The following HAPLN1 variants were observed in gnomAD, a reference collection of about 807,000 sequenced individuals.
The protein encoded by HAPLN1 is Cartilage link protein.
A neutral mutation model predicts 36.5 loss-of-function variants in HAPLN1; 13 were observed. The ratio of observed to expected loss-of-function variants is 0.36; its 90% CI spans 0.23 to 0.57. HAPLN1 has a LOEUF of 0.57. Among genes scored for constraint, HAPLN1 ranks in the 20% least tolerant of loss-of-function variants. HAPLN1 has a pLI of 0.83. For missense variants in HAPLN1, 407 were observed against 439.7 expected, an observed-to-expected ratio of 0.93 and a Z score of 0.66; for synonymous variants, 202 against 169.8, an observed-to-expected ratio of 1.19 and a Z score of -1.48.
chr5:83,652,614 GT>G lies in HAPLN1; in HGVS notation c.310del (p.Thr104ProfsTer11). 2 of 1,613,974 alleles carry G rather than the reference GT, an allele frequency of 1.2e-6. No homozygotes were observed. Among genetic ancestry groups the G allele is most frequent in the Non-Finnish European group, 1.7e-6 (2 of 1,179,966 alleles). ...VFVSMGYHKK[T>X]YGGYQGRVFL... ...CACTCTACCCTGGTAGCCTCCATAG[GT>G]TTTTTTGTGGTATCCCATGGAAACA... On this transcript the variant is annotated frameshift_variant, in exon 3 of 5. Transcript: ENST00000274341. LOFTEE classifies it high-confidence loss of function.
At chr5:83,685,905 A>G (rs1751108431) in intron 1 of HAPLN1, 1 of 152,022 alleles carries the variant, frequency 6.6e-6, no homozygotes, top group Non-Finnish European at 1.5e-5. Flanking sequence ...AGAATAACGT[A>G]CTCTGATAGA....
chr5:83,695,690 A>G (rs1751378224), intron 1 of HAPLN1, among the ~76,000 whole-genome samples: 1 of 149,026 alleles, frequency 6.7e-6, no homozygotes, highest in Non-Finnish European at 1.5e-5. Context: ...AAACATCTCA[A>G]TAGATACAGG....
chr5:83,673,593 C>G (rs1750786992), intron 1 of HAPLN1, 44 bp from the exon 2 acceptor site: 2 of 1,141,460 alleles, frequency 1.8e-6, no homozygotes, highest in Non-Finnish European at 2.6e-6. Flanking sequence ...GATTTGGAAC[C>G]CTTTGGAGTG....
At chr5:83,672,565 C>T (rs1750758217) in intron 2 of HAPLN1, among the ~76,000 whole-genome samples, 1 of 152,208 alleles carries the variant, frequency 6.6e-6, no homozygotes, top group Non-Finnish European at 1.5e-5. Context: ...TTGACCTTCA[C>T]AAGTCATACT....
rs1277643527 is a variant in HAPLN1, at chr5:83,673,442, T to C, written c.82A>G (p.Arg28Gly). The C allele has an allele frequency of 6.2e-7, 1 of 1,608,862 alleles. No homozygotes were observed. Among genetic ancestry groups the C allele is most frequent in the Non-Finnish European group, 8.5e-7 (1 of 1,177,726 alleles). The change falls in exon 2 of 5, where the codon AGA becomes GGA. Residue 28 changes from arginine to glycine, a missense_variant. Physicochemically the swap from Arg to Gly is moderately radical, Grantham distance 125 (BLOSUM62 -2). Coordinates refer to ENST00000274341, the MANE Select transcript of HAPLN1 (RefSeq NM_001884.4). ...TCCTTACCTTGGATGTGAATAGCTC[T>C]GTCATGATCCAGAGTATAGTTGTCT... ...LSDNYTLDHDRAIHIQAENGP... is the reference protein window; with the variant it reads ...LSDNYTLDHDGAIHIQAENGP...
At chr5:83,668,249 C>T (rs1231767233) in intron 2 of HAPLN1, among the ~76,000 whole-genome samples, 1 of 151,964 alleles carries the variant, frequency 6.6e-6, no homozygotes. Context: ...ACAGCCAGTG[C>T]TACAGAGAGA....
intron 1 of HAPLN1, among the ~76,000 whole-genome samples, chr5:83,675,642 C>T (rs1251035351): frequency 6.6e-6 from 1 of 152,134 alleles, no homozygotes; most frequent in Non-Finnish European, 1.5e-5. Flanking sequence ...AGGGTTCATT[C>T]CAATGTGTTA....
chr5:83,677,604 G>A (rs1161327018), intron 1 of HAPLN1, among the ~76,000 whole-genome samples: 6 of 144,524 alleles, frequency 4.2e-5, no homozygotes, highest in Non-Finnish European at 5.9e-5. Flanking sequence ...CTGACAAACT[G>A]AGAAAAATCA....
rs150120434 is a variant in HAPLN1, at chr5:83,673,515, A to G, written c.9T>C (p.Ser3=). ...TTGAAATCAGCACCAGAAGAAGTAGACTCTTCATCTTTATAGCCCAAAGAA... is the reference window on the plus strand; with the variant it reads ...TTGAAATCAGCACCAGAAGAAGTAGGCTCTTCATCTTTATAGCCCAAAGAA... The part of the protein sequence containing the change: MK[S]LLLLVLISIC... Residue 3 remains serine (S), a synonymous_variant, in exon 2 of 5, where the codon AGT becomes AGC. Coordinates refer to ENST00000274341, the MANE Select transcript of HAPLN1 (RefSeq NM_001884.4). 579 of 1,610,792 alleles carry G rather than the reference A, an allele frequency of 3.6e-4. 8 individuals are homozygous for G. The African/African-American group carries it at 6.4e-3, about 18-fold the overall frequency.
At chr5:83,645,509 T>C (rs909895977) in intron 3 of HAPLN1, among the ~76,000 whole-genome samples, 2 of 121,294 alleles carry the variant, frequency 1.6e-5, no homozygotes, top group African/African-American at 6.4e-5. Context: ...CAGCTATCAT[T>C]AGTGTTAGTA....
At chr5:83,669,985 A>G (rs1277989003) in intron 2 of HAPLN1, among the ~76,000 whole-genome samples, 1 of 152,228 alleles carries the variant, frequency 6.6e-6, no homozygotes, top group Admixed American at 6.5e-5. Context: ...CACCAAATGC[A>G]GGAAGCACTG....
intron 2 of HAPLN1, among the ~76,000 whole-genome samples, chr5:83,654,675 A>C (rs1750165199): frequency 6.6e-6 from 1 of 152,224 alleles, no homozygotes; most frequent in African/African-American, 2.4e-5. Flanking sequence ...TATGACACAT[A>C]GCTAAAATAG....
intron 2 of HAPLN1, among the ~76,000 whole-genome samples, chr5:83,660,217 G>T (rs1056372547): frequency 1.4e-4 from 21 of 152,138 alleles, no homozygotes; most frequent in African/African-American, 4.8e-4. Flanking sequence ...GAGCTAAATG[G>T]ATTATGTGAT....
At chr5:83,719,415 C>T (rs1751978138) in intron 1 of HAPLN1, among the ~76,000 whole-genome samples, 1 of 152,108 alleles carries the variant, frequency 6.6e-6, no homozygotes, top group Non-Finnish European at 1.5e-5. Context: ...AAGCTGTTTC[C>T]AATTTAGTGG....
intron 1 of HAPLN1, among the ~76,000 whole-genome samples, chr5:83,688,417 C>A (rs1433429747): frequency 6.6e-6 from 1 of 152,130 alleles, no homozygotes; most frequent in Admixed American, 6.6e-5. Flanking sequence ...TTTCAATACC[C>A]ACAATAGATC....
In HAPLN1 at chr5:83,638,114, C is replaced by T. The variant is rs1749568343; in HGVS notation, c.*3382G>A. The T allele has an allele frequency of 1.3e-5, 2 of 151,178 alleles. No individual in the cohort carries two copies. The highest frequency in any genetic ancestry group is 4.2e-4 in the South Asian group (2 of 4,802). The allele number at this position is 151,178 out of a possible 1,614,324, so 9.4% of individuals were successfully genotyped here. The stretch of plus-strand genomic sequence containing the variant: ...TATCAGAACAAGAATGAATTAAATG[C>T]CTTTCTTGGAAATAATGTATTGACA... On this transcript the variant is annotated 3_prime_UTR_variant, in exon 5 of 5. Transcript: ENST00000274341.
At chr5:83,705,446 T>C (rs1026902714) in intron 1 of HAPLN1, among the ~76,000 whole-genome samples, 7 of 147,326 alleles carry the variant, frequency 4.8e-5, no homozygotes, top group South Asian at 2.2e-4. Flanking sequence ...CGGAATTACA[T>C]GGAAATTAAA....
rs112813015 is a variant in HAPLN1, at chr5:83,701,927, A to AACACACAC, written c.-27+18854_-27+18861dup. Among the ~76,000 whole-genome samples, 196 of 143,946 alleles carry AACACACAC rather than the reference A, an allele frequency of 1.4e-3. 1 individual carries two copies. The highest frequency in any genetic ancestry group is 7.0e-3 in the Middle Eastern group (2 of 286). 94.4% of individuals were successfully genotyped at this position (143,946 alleles called of 152,430 possible). ...GGCGACAGAGCGAGACTTCGACAAA[A>AACACACAC]ACACACACACACACACACACACACA... On this transcript the variant is annotated intron_variant, in intron 1 of 4. Coordinates refer to ENST00000274341, the MANE Select transcript of HAPLN1 (RefSeq NM_001884.4).
intron 1 of HAPLN1, chr5:83,686,131 T>C (rs1251414741): frequency 3.2e-5 from 1 of 31,134 alleles, no homozygotes; most frequent in Admixed American, 4.4e-4. Flanking sequence ...ATTAGAGATA[T>C]AAAATGTAGC....
Sources: allele counts gnomAD v4.1 joint callset (sites outside exome capture counted in the v4.1 genomes callset), GRCh38; gene constraint gnomAD v4.1.1; transcripts MANE v1.5; gene names NCBI Gene and HGNC (gene_info 2026-07-23, HGNC 2026-07-21).